DLG2: variants seen among roughly 807,000 people sequenced by gnomAD.
DLG2 encodes the protein disks large homolog 2.
In DLG2, 45 loss-of-function variants were observed where a neutral mutation model predicts 132.5. That is an observed-to-expected ratio of 0.34 (90% CI 0.27 to 0.44). The LOEUF (loss-of-function observed/expected upper bound fraction) is 0.44. Ranked by LOEUF, DLG2 falls within the 20% of genes least tolerant of loss-of-function variation. DLG2 has a pLI of 1.00. For synonymous variants in DLG2, 424 were observed against 419.6 expected, an observed-to-expected ratio of 1.01 and a Z score of -0.13; for missense variants, 1,045 against 1,196.9, an observed-to-expected ratio of 0.87 and a Z score of 1.87.
chr11:85,186,534 A>C (rs2080112622), intron 4 of DLG2, among the ~76,000 whole-genome samples: 1 of 152,088 alleles, frequency 6.6e-6, no homozygotes, highest in African/African-American at 2.4e-5. Flanking sequence ...AGAAATGGAG[A>C]ATTTTAGATT....
intron 3 of DLG2, among the ~76,000 whole-genome samples, chr11:85,377,971 G>C (rs2152926544): frequency 6.6e-6 from 1 of 151,602 alleles, no homozygotes; most frequent in Middle Eastern, 3.4e-3. Flanking sequence ...GAAAGAAATA[G>C]AGACTGAATT....
intron 8 of DLG2, among the ~76,000 whole-genome samples, chr11:84,213,156 C>A: frequency 6.6e-6 from 1 of 152,190 alleles, no homozygotes; most frequent in East Asian, 1.9e-4. Context: ...AGAGTTAGGT[C>A]AGAGGAAATC....
At chr11:84,474,171 C>A (rs1054762679) in intron 7 of DLG2, among the ~76,000 whole-genome samples, 1 of 152,014 alleles carries the variant, frequency 6.6e-6, no homozygotes, top group East Asian at 1.9e-4. Context: ...TCCTCTGACT[C>A]TGAATATCCA....
intron 3 of DLG2, among the ~76,000 whole-genome samples, chr11:85,435,756 A>G (rs778150594): frequency 1.3e-5 from 2 of 152,224 alleles, no homozygotes; most frequent in Non-Finnish European, 2.9e-5. Context: ...TTAAATATTC[A>G]ATGCTATTCC....
chr11:85,403,546 A>G (rs1406410349), intron 3 of DLG2, among the ~76,000 whole-genome samples: 1 of 151,932 alleles, frequency 6.6e-6, no homozygotes, highest in Admixed American at 6.6e-5. Context: ...AGCAAATAAG[A>G]AGTCAGGTAT....
At chr11:84,475,238 A>T (rs972529624) in intron 7 of DLG2, among the ~76,000 whole-genome samples, 2 of 151,832 alleles carry the variant, frequency 1.3e-5, no homozygotes, top group Non-Finnish European at 2.9e-5. Context: ...GTATCTCATT[A>T]AAAAAAATAT....
intron 2 of DLG2, among the ~76,000 whole-genome samples, chr11:85,612,248 C>T (rs973019776): frequency 6.6e-6 from 1 of 152,214 alleles, no homozygotes; most frequent in South Asian, 2.1e-4. Flanking sequence ...CAACCCATAG[C>T]CTTCCTATCA....
At chr11:85,062,692 T>C (rs972417362) in intron 6 of DLG2, among the ~76,000 whole-genome samples, 3 of 151,694 alleles carry the variant, frequency 2.0e-5, no homozygotes, top group South Asian at 2.1e-4. Flanking sequence ...TAGAAATGAG[T>C]GCTTTAAAAG....
chr11:84,036,858 G>C lies in DLG2; in HGVS notation c.919+22457C>G, dbSNP rs544276010. Among the ~76,000 whole-genome samples, 254 of 152,174 alleles carry C rather than the reference G, an allele frequency of 1.7e-3. 2 individuals are homozygous for C. Among genetic ancestry groups the C allele is most frequent in the African/African-American group, 5.8e-3 (239 of 41,546 alleles). The stretch of plus-strand genomic sequence containing the variant: ...AGTGCTGAAGTAAATATTTAGAAGA[G>C]AGCAATCCAATTTCATCAGCTAGGT... On this transcript the variant is annotated intron_variant, in intron 11 of 27. Coordinates refer to ENST00000376104, the MANE Select transcript of DLG2 (RefSeq NM_001142699.3).
chr11:84,746,148 G>A (rs2065328592), intron 6 of DLG2, among the ~76,000 whole-genome samples: 1 of 151,896 alleles, frequency 6.6e-6, no homozygotes, highest in East Asian at 1.9e-4. Context: ...TGACAGCTGT[G>A]GGCAAGGGGT....
rs139218693 is a variant in DLG2 at position 84,911,450 on chromosome 11, AAAC to A, written c.357+200208_357+200210del. On this transcript the variant is annotated intron_variant, in intron 6 of 27. Transcript: ENST00000376104. Reference sequence around the variant, plus strand: ...TTAAAATTTTAAAAGCATTTTATCTAAACAACAAAAAACTTCTCAATTATTTGA... The same window carrying A: ...TTAAAATTTTAAAAGCATTTTATCTAAACAAAAAACTTCTCAATTATTTGA... Among the ~76,000 whole-genome samples, 135 of 151,962 alleles carry A rather than the reference AAAC, an allele frequency of 8.9e-4. 2 individuals are homozygous for A. In the East Asian group the frequency reaches 0.023, roughly 25 times the overall value.
chr11:85,237,125 G>A lies in DLG2; in HGVS notation c.186+48095C>T, dbSNP rs535846801. Among the ~76,000 whole-genome samples the A allele has an allele frequency of 1.2e-3, 178 of 152,162 alleles. 1 individual carries two copies. Among genetic ancestry groups the A allele is most frequent in the African/African-American group, 4.0e-3 (168 of 41,558 alleles). On this transcript the variant is annotated intron_variant, in intron 4 of 27. Coordinates refer to ENST00000376104, the MANE Select transcript of DLG2 (RefSeq NM_001142699.3). ...CCTGAAAATACGCCACTGATTAAGC[G>A]AATGTCACCTAATGAGTGCCAGAGT...
At chr11:84,952,421 G>C (rs1187862070) in intron 6 of DLG2, among the ~76,000 whole-genome samples, 5 of 152,114 alleles carry the variant, frequency 3.3e-5, no homozygotes, top group Non-Finnish European at 5.9e-5. Context: ...GGAGGCTGAG[G>C]CAGGAGAATG....
intron 9 of DLG2, among the ~76,000 whole-genome samples, chr11:84,138,801 T>C (rs1171951741): frequency 1.3e-5 from 2 of 151,906 alleles, no homozygotes; most frequent in African/African-American, 4.8e-5. Context: ...ATACAAAAAT[T>C]AGCCTAGCGT....
intron 7 of DLG2, among the ~76,000 whole-genome samples, chr11:84,486,890 C>T (rs1237922373): frequency 2.0e-5 from 3 of 151,984 alleles, no homozygotes; most frequent in African/African-American, 7.2e-5. Context: ...AAATGTGCCT[C>T]TTGATAAATT....
intron 14 of DLG2, among the ~76,000 whole-genome samples, chr11:83,959,125 C>A (rs2087770121): frequency 6.6e-6 from 1 of 151,998 alleles, no homozygotes; most frequent in African/African-American, 2.4e-5. Flanking sequence ...GAGATTGTAT[C>A]CAAAACTTTT....
chr11:85,364,843 T>C (rs2084416678), intron 3 of DLG2, among the ~76,000 whole-genome samples: 1 of 152,178 alleles, frequency 6.6e-6, no homozygotes, highest in East Asian at 1.9e-4. Flanking sequence ...TTTTATCACA[T>C]AGTTTTTTTG....
At chr11:84,521,574 T>C (rs1008651105) in intron 7 of DLG2, among the ~76,000 whole-genome samples, 1 of 152,228 alleles carries the variant, frequency 6.6e-6, no homozygotes, top group African/African-American at 2.4e-5. Context: ...TATCTGATTA[T>C]TTAAGGAATT....
intron 3 of DLG2, among the ~76,000 whole-genome samples, chr11:85,480,809 C>A (rs545032548): frequency 6.6e-6 from 1 of 152,236 alleles, no homozygotes; most frequent in South Asian, 2.1e-4. Context: ...TCTTTTTCAG[C>A]TGCACACAGG....
Sources: allele counts gnomAD v4.1 joint callset (sites outside exome capture counted in the v4.1 genomes callset), GRCh38; gene constraint gnomAD v4.1.1; transcripts MANE v1.5; gene names NCBI Gene and HGNC (gene_info 2026-07-23, HGNC 2026-07-21).